Variants in ITPR1 observed in about 807,000 individuals in gnomAD.
ITPR1 encodes the protein inositol 1,4,5-trisphosphate receptor type 1, also known as inositol 1,4,5-trisphosphate-gated calcium channel ITPR1.
In ITPR1, 96 loss-of-function variants were observed where a neutral mutation model predicts 318.4. The observed-to-expected ratio is 0.30, with a 90% CI of 0.26 to 0.36. ITPR1 has a LOEUF of 0.36. Ranked by LOEUF, ITPR1 falls within the 10% of genes least tolerant of loss-of-function variation. The pLI, the probability that ITPR1 is intolerant of heterozygous loss-of-function variation, is 1.00. For synonymous variants in ITPR1, 1,312 were observed against 1,289.9 expected (o/e 1.02, Z -0.37); for missense variants, 2,440 against 3,460.2 (o/e 0.71, Z 7.40).
intron 44 of ITPR1, among the ~76,000 whole-genome samples, chr3:4,741,649 G>A (rs2043712953): frequency 6.6e-6 from 1 of 152,122 alleles, no homozygotes; most frequent in Non-Finnish European, 1.5e-5. Context: ...GTGTGGGAGG[G>A]ACACGTTGGT....
At chr3:4,532,208 G>A (rs1210987953) in intron 4 of ITPR1, among the ~76,000 whole-genome samples, 1 of 152,134 alleles carries the variant, frequency 6.6e-6, no homozygotes, top group East Asian at 1.9e-4. Flanking sequence ...GACTATATTA[G>A]GAACTAAAAT....
At position 4,523,421 on chromosome 3, in the gene ITPR1, A is replaced by G. The variant is rs546853459; in HGVS notation, c.163+2327A>G. Reference sequence around the variant, plus strand: ...TTAATTCATATATACATTACCTCACATGCTTATTATTTTTTTTGGTGAGAA... The same window carrying G: ...TTAATTCATATATACATTACCTCACGTGCTTATTATTTTTTTTGGTGAGAA... On this transcript the variant is annotated intron_variant, in intron 4 of 61. Coordinates refer to ENST00000649015, the MANE Select transcript of ITPR1 (RefSeq NM_001378452.1). Among the ~76,000 whole-genome samples the G allele has an allele frequency of 3.5e-5, 3 of 85,142 alleles. No homozygotes were observed. In the Admixed American group the frequency reaches 4.7e-4, roughly 13 times the overall value. The allele number at this position is 85,142 out of a possible 152,430, so 55.9% of individuals were successfully genotyped here.
At chr3:4,658,030 C>A in intron 12 of ITPR1, 94 bp from the exon 13 acceptor site, 1 of 1,249,172 alleles carries the variant, frequency 8.0e-7, no homozygotes, top group Non-Finnish European at 1.1e-6. Context: ...CATTCACGAT[C>A]CTTTCTTCTC....
At chr3:4,836,679 G>A (rs1268191629) in intron 60 of ITPR1, 95 bp from the exon 61 acceptor site, 3 of 1,198,588 alleles carry the variant, frequency 2.5e-6, no homozygotes, top group Non-Finnish European at 3.2e-6. Context: ...TGAGAGTTAG[G>A]AAACATGGCA....
At chr3:4,727,485 C>G (rs1171994868) in intron 42 of ITPR1, among the ~76,000 whole-genome samples, 2 of 152,090 alleles carry the variant, frequency 1.3e-5, no homozygotes, top group African/African-American at 2.4e-5. Flanking sequence ...ACTGTAATGG[C>G]TGATGACCAT....
At chr3:4,754,917 C>G (rs1324820379) in intron 44 of ITPR1, among the ~76,000 whole-genome samples, 1 of 152,244 alleles carries the variant, frequency 6.6e-6, no homozygotes, top group Non-Finnish European at 1.5e-5. Flanking sequence ...CATGACTTGG[C>G]TGGAAGAGAC....
intron 2 of ITPR1, among the ~76,000 whole-genome samples, chr3:4,513,454 A>T (rs1418356589): frequency 6.6e-6 from 1 of 152,108 alleles, no homozygotes. Context: ...GTCCTCCCCT[A>T]CTTTTTGGTT....
At chr3:4,670,652 CTT>C (rs1195553362) in intron 19 of ITPR1, 75 bp from the exon 20 acceptor site, 6 of 1,098,540 alleles carry the variant, frequency 5.5e-6, no homozygotes, top group African/African-American at 4.7e-5. Context: ...TTCCATGTGT[CTT>C]TATGCTGAAA....
chr3:4,512,022 C>A lies in ITPR1; in HGVS notation c.-16-4454C>A, dbSNP rs959301044. The stretch of plus-strand genomic sequence containing the variant: ...ATTTTTTCACAGGCAGGGTCTTGCT[C>A]TGTTGCCCAGGCTGGAATGCAGTGG... On this transcript the variant is annotated intron_variant, in intron 2 of 61. Transcript: ENST00000649015. 1.2e-4 allele frequency among the ~76,000 whole-genome samples: 18 copies of A among 152,206 alleles called. 1 individual carries two copies. Among genetic ancestry groups the A allele is most frequent in the African/African-American group, 3.9e-4 (16 of 41,448 alleles).
rs1482490843 is a variant in ITPR1, at chr3:4,645,483, C to A, written c.708+13C>A. The A allele has an allele frequency of 1.9e-6, 3 of 1,607,720 alleles. No individual in the cohort carries two copies. On this transcript the variant is annotated intron_variant, in intron 9 of 61. Transcript: ENST00000649015. ...CATATTAAAGGGGGTGAGTTTGATG[C>A]TTTATGGGCTGAGCATTACTTGGCT...
intron 39 of ITPR1, among the ~76,000 whole-genome samples, chr3:4,713,721 A>G (rs909078582): frequency 2.0e-5 from 3 of 152,208 alleles, no homozygotes; most frequent in African/African-American, 7.2e-5. Context: ...AAATTATATC[A>G]CAGTTTTGTA....
intron 4 of ITPR1, among the ~76,000 whole-genome samples, chr3:4,594,125 G>A (rs771762321): frequency 1.3e-5 from 2 of 152,156 alleles, no homozygotes; most frequent in Non-Finnish European, 2.9e-5. Flanking sequence ...GGAGATACAA[G>A]TGAGAGAGAG....
At chr3:4,706,014 A>G (rs1292232913) in intron 36 of ITPR1, among the ~76,000 whole-genome samples, 153 bp from the exon 37 acceptor site, 1 of 152,228 alleles carries the variant, frequency 6.6e-6, no homozygotes, top group African/African-American at 2.4e-5. Flanking sequence ...GGTAAAGTTG[A>G]CTTGAGCTTC....
intron 4 of ITPR1, among the ~76,000 whole-genome samples, chr3:4,559,929 T>C (rs1316089586): frequency 1.3e-5 from 2 of 152,130 alleles, no homozygotes; most frequent in Admixed American, 6.6e-5. Context: ...AGAGGCGGCG[T>C]TATGTACTGG....
chr3:4,507,331 C>T (rs1221993706), intron 2 of ITPR1, among the ~76,000 whole-genome samples: 1 of 152,112 alleles, frequency 6.6e-6, no homozygotes, highest in Non-Finnish European at 1.5e-5. Context: ...CTTGGGCCAC[C>T]AGCTCCTAGA....
At chr3:4,806,060 G>T (rs972543430) in intron 54 of ITPR1, 43 bp from the exon 55 acceptor site, 112 of 1,544,714 alleles carry the variant, frequency 7.3e-5, no homozygotes, top group Non-Finnish European at 9.8e-5. Flanking sequence ...TGAAGAGTTT[G>T]GCACAGTCCG....
intron 44 of ITPR1, among the ~76,000 whole-genome samples, chr3:4,762,876 G>A (rs191205300): frequency 1.3e-5 from 2 of 152,288 alleles, no homozygotes; most frequent in East Asian, 3.9e-4. Flanking sequence ...CTATTATAAA[G>A]TTACATGCAT....
intron 3 of ITPR1, among the ~76,000 whole-genome samples, chr3:4,518,977 G>A (rs1490807122): frequency 1.3e-5 from 2 of 152,184 alleles, no homozygotes; most frequent in Non-Finnish European, 2.9e-5. Flanking sequence ...GCTTTAGTAA[G>A]CTGGGTTGAC....
rs1559937612 is a variant in ITPR1 at position 4,811,247 on chromosome 3, T to A, written c.7273-18T>A. Reference sequence around the variant, plus strand: ...TAACATCAAGGCTTCTTAAAATTCTTTTTGTTTGTTTTCAAAGCTTTTTGA... The same window carrying A: ...TAACATCAAGGCTTCTTAAAATTCTATTTGTTTGTTTTCAAAGCTTTTTGA... On this transcript the variant is annotated intron_variant, in intron 55 of 61. Coordinates refer to ENST00000649015, the MANE Select transcript of ITPR1 (RefSeq NM_001378452.1). 1.3e-6 allele frequency: 2 copies of A among 1,518,800 alleles called. No individual in the cohort carries two copies. Among genetic ancestry groups the A allele is most frequent in the Admixed American group, 4.6e-5 (2 of 43,214 alleles). 94.1% of individuals were successfully genotyped at this position (1,518,800 alleles called of 1,614,324 possible).
Sources: gnomAD v4.1 joint callset for allele counts (sites outside exome capture counted in the v4.1 genomes callset) on GRCh38, gnomAD v4.1.1 for gene constraint, MANE v1.5 for transcripts, NCBI Gene and HGNC (gene_info 2026-07-23, HGNC 2026-07-21) for gene names.